Variants in SRGAP1 observed in about 807,000 individuals in gnomAD.
SRGAP1 encodes the protein SLIT-ROBO Rho GTPase activating protein 1, also known as SLIT-ROBO Rho GTPase-activating protein 1.
SRGAP1 carries 43 observed loss-of-function variants against 121.9 expected under a neutral mutation model. The observed-to-expected ratio is 0.35, with a 90% confidence interval of 0.28 to 0.46. The LOEUF (loss-of-function observed/expected upper bound fraction) is 0.46. SRGAP1 is among the 20% of genes least tolerant of loss of function. The pLI is 1.00. For synonymous variants in SRGAP1, 447 were observed against 485.4 expected (o/e 0.92, Z 1.04); for missense variants, 1,102 against 1,350.9 (o/e 0.82, Z 2.89).
rs140959863 is a variant in SRGAP1 at position 63,916,111 on chromosome 12, C to T, written c.68-67836C>T. 5.3e-3 allele frequency among the ~76,000 whole-genome samples: 767 copies of T among 145,840 alleles called. 7 individuals are homozygous for T. The highest frequency in any genetic ancestry group is 0.018 in the African/African-American group (727 of 39,694). On this transcript the variant is annotated intron_variant, in intron 1 of 21. Coordinates refer to ENST00000355086, the MANE Select transcript of SRGAP1 (RefSeq NM_020762.4). ...GCAGTGGTGTGATCATGGCTCATTG[C>T]AACCTCTGCCTCCCAGGCTAGAGCG...
chr12:63,871,093 C>A (rs1324263523), intron 1 of SRGAP1, among the ~76,000 whole-genome samples: 1 of 152,114 alleles, frequency 6.6e-6, no homozygotes, highest in Non-Finnish European at 1.5e-5. Flanking sequence ...AGGTCAAGGA[C>A]CACACTTTGG....
chr12:63,973,289 G>A (rs113961844), intron 1 of SRGAP1, among the ~76,000 whole-genome samples: 24 of 152,288 alleles, frequency 1.6e-4, no homozygotes, highest in African/African-American at 5.5e-4. Flanking sequence ...TAGAAGCACA[G>A]GCCTGGGTCA....
chr12:64,032,083 G>A (rs2034793822), intron 4 of SRGAP1, among the ~76,000 whole-genome samples: 1 of 152,190 alleles, frequency 6.6e-6, no homozygotes, highest in Non-Finnish European at 1.5e-5. Context: ...TTGTCCCATG[G>A]CCATGAAAAT....
chr12:64,113,873 C>T (rs987098949), intron 17 of SRGAP1, among the ~76,000 whole-genome samples: 1 of 152,182 alleles, frequency 6.6e-6, no homozygotes, highest in African/African-American at 2.4e-5. Context: ...TCAGAAACTG[C>T]CCTGTGCAGC....
intron 1 of SRGAP1, among the ~76,000 whole-genome samples, chr12:63,914,983 A>G (rs1371786834): frequency 6.6e-6 from 1 of 152,146 alleles, no homozygotes; most frequent in African/African-American, 2.4e-5. Flanking sequence ...TGGACAATTG[A>G]TACTTAAATT....
chr12:64,067,349 G>A (rs1441075156), intron 8 of SRGAP1, among the ~76,000 whole-genome samples: 2 of 152,200 alleles, frequency 1.3e-5, no homozygotes, highest in Non-Finnish European at 2.9e-5. Context: ...GTTCGAGACT[G>A]CACTGAGGTG....
chr12:63,876,774 T>C (rs976899518), intron 1 of SRGAP1, among the ~76,000 whole-genome samples: 2 of 152,250 alleles, frequency 1.3e-5, no homozygotes, highest in Non-Finnish European at 2.9e-5. Context: ...CTTTTTAGGA[T>C]CATGTAGTAT....
intron 1 of SRGAP1, among the ~76,000 whole-genome samples, chr12:63,884,977 C>A (rs1900328046): frequency 1.3e-5 from 2 of 152,116 alleles, no homozygotes; most frequent in African/African-American, 4.8e-5. Flanking sequence ...GCCTCGGCCT[C>A]CCAAAGTGCT....
intron 1 of SRGAP1, among the ~76,000 whole-genome samples, chr12:63,910,707 T>A (rs1475608926): frequency 3.3e-5 from 5 of 152,222 alleles, no homozygotes; most frequent in African/African-American, 1.2e-4. Flanking sequence ...TAGAGAGGTT[T>A]GTTGCTCGTG....
intron 15 of SRGAP1, among the ~76,000 whole-genome samples, chr12:64,103,233 C>A (rs2136603979): frequency 1.3e-5 from 2 of 152,272 alleles, no homozygotes; most frequent in South Asian, 2.1e-4. Context: ...ACACCCTCCT[C>A]GCCCTCCCAA....
At chr12:64,132,047 C>T (rs1288560483) in intron 21 of SRGAP1, among the ~76,000 whole-genome samples, 4 of 152,120 alleles carry the variant, frequency 2.6e-5, no homozygotes, top group South Asian at 2.1e-4. Context: ...TGGTGGCACA[C>T]GCCTGTAGTC....
At chr12:64,030,026 G>A (rs1226896768) in intron 4 of SRGAP1, among the ~76,000 whole-genome samples, 3 of 152,126 alleles carry the variant, frequency 2.0e-5, no homozygotes, top group African/African-American at 7.2e-5. Context: ...TGAGAGAAAA[G>A]AATCTTTTGC....
chr12:64,083,433 A>G (rs1303394360), intron 10 of SRGAP1, among the ~76,000 whole-genome samples: 1 of 152,202 alleles, frequency 6.6e-6, no homozygotes, highest in African/African-American at 2.4e-5. Context: ...TAGGCTGCCA[A>G]TGGCCCAGTA....
chr12:64,136,786 C>G (rs1256142704), intron 21 of SRGAP1, among the ~76,000 whole-genome samples: 3 of 152,094 alleles, frequency 2.0e-5, no homozygotes, highest in Admixed American at 6.6e-5. Flanking sequence ...TACTTACAAC[C>G]AGCAATATTT....
intron 21 of SRGAP1, among the ~76,000 whole-genome samples, chr12:64,130,884 C>T (rs2036774678): frequency 6.6e-6 from 1 of 152,148 alleles, no homozygotes. Context: ...AAACCTCTGC[C>T]CTTTTCATGA....
At chr12:64,122,898 A>T (rs1044005897) in intron 18 of SRGAP1, among the ~76,000 whole-genome samples, 2 of 152,212 alleles carry the variant, frequency 1.3e-5, no homozygotes, top group African/African-American at 4.8e-5. Flanking sequence ...GTCTGTCTCA[A>T]AATAAAATAA....
At chr12:63,943,551 A>C (rs1014208939) in intron 1 of SRGAP1, among the ~76,000 whole-genome samples, 2 of 152,246 alleles carry the variant, frequency 1.3e-5, no homozygotes, top group Non-Finnish European at 2.9e-5. Flanking sequence ...AAGTGGTAAG[A>C]AATTTGAACC....
At chr12:63,972,342 A>G (rs1242034445) in intron 1 of SRGAP1, among the ~76,000 whole-genome samples, 1 of 152,258 alleles carries the variant, frequency 6.6e-6, no homozygotes, top group Admixed American at 6.5e-5. Flanking sequence ...GAACATTATG[A>G]TATTCAATGG....
chr12:64,157,211 A>G lies in SRGAP1; in HGVS notation c.*14539A>G, dbSNP rs1172628865. The G allele has an allele frequency of 6.6e-6, 1 of 152,236 alleles. No homozygotes were observed. The highest frequency in any genetic ancestry group is 1.9e-4 in the East Asian group (1 of 5,196). The allele number at this position is 152,236 out of a possible 1,614,324, so 9.4% of individuals were successfully genotyped here. A position where few individuals can be genotyped will look rare whatever the true frequency, so the allele number is the denominator to read the frequency against. ...ACAAATAACTCATGAGGGTTACCAT[A>G]TGTCTGACACTGTAGGAAGAGCTGA... On this transcript the variant is annotated 3_prime_UTR_variant, in exon 22 of 22. Coordinates refer to ENST00000355086, the MANE Select transcript of SRGAP1 (RefSeq NM_020762.4).
Sources: allele counts gnomAD v4.1 joint callset (sites outside exome capture counted in the v4.1 genomes callset), GRCh38; gene constraint gnomAD v4.1.1; transcripts MANE v1.5; gene names NCBI Gene and HGNC (gene_info 2026-07-23, HGNC 2026-07-21).